The following NR5A2 variants were observed in gnomAD, a reference collection of about 807,000 sequenced individuals.
The protein encoded by NR5A2 is CYP7A promoter-binding factor.
NR5A2 carries 26 observed loss-of-function variants against 62.7 expected under a neutral mutation model. That is an observed-to-expected ratio of 0.41 (90% CI 0.30 to 0.58). The LOEUF is 0.58. NR5A2 is among the 20% of genes least tolerant of loss of function. The pLI, the probability that NR5A2 is intolerant of heterozygous loss-of-function variation, is 0.22. For synonymous variants in NR5A2, 246 were observed against 241.7 expected, an observed-to-expected ratio of 1.02 and a Z score of -0.16; for missense variants, 541 against 669.1, an observed-to-expected ratio of 0.81 and a Z score of 2.11.
At chr1:200,167,221 G>A (rs1050147732) in intron 7 of NR5A2, among the ~76,000 whole-genome samples, 6 of 151,942 alleles carry the variant, frequency 3.9e-5, no homozygotes, top group African/African-American at 1.5e-4. Context: ...TATTCCATGT[G>A]CCCCTTAAAT....
At chr1:200,046,038 T>C (rs762587148) in intron 4 of NR5A2, among the ~76,000 whole-genome samples, 1 of 152,210 alleles carries the variant, frequency 6.6e-6, no homozygotes, top group Non-Finnish European at 1.5e-5. Context: ...AACTACTAAT[T>C]TCATGATTCT....
At chr1:200,090,868 C>T (rs1302892011) in intron 5 of NR5A2, among the ~76,000 whole-genome samples, 1 of 152,192 alleles carries the variant, frequency 6.6e-6, no homozygotes, top group East Asian at 1.9e-4. Flanking sequence ...AACACACACT[C>T]ACATTCACGT....
intron 7 of NR5A2, among the ~76,000 whole-genome samples, chr1:200,124,877 G>A (rs1666635536): frequency 6.6e-6 from 1 of 152,046 alleles, no homozygotes. Flanking sequence ...ACTCCAGCCT[G>A]GGCAACGGAT....
chr1:200,128,798 C>G (rs1181533600), intron 7 of NR5A2, among the ~76,000 whole-genome samples: 2 of 152,042 alleles, frequency 1.3e-5, no homozygotes, highest in Non-Finnish European at 2.9e-5. Context: ...AATCATAACT[C>G]GGCTCTTGCA....
chr1:200,099,295 G>A (rs1031471931), intron 5 of NR5A2, among the ~76,000 whole-genome samples: 15 of 151,774 alleles, frequency 9.9e-5, no homozygotes, highest in Admixed American at 6.6e-4. Context: ...CTGCCTGATG[G>A]AAGCAGCCAG....
At position 200,045,380 on chromosome 1, in the gene NR5A2, G is replaced by A. The variant is rs1249744932; in HGVS notation, c.322-63G>A. 2.1e-6 allele frequency: 3 copies of A among 1,424,324 alleles called. No homozygotes were observed. In the Admixed American group the frequency reaches 7.1e-5, roughly 34 times the overall value. 88.2% of individuals were successfully genotyped at this position (1,424,324 alleles called of 1,614,324 possible). A position where few individuals can be genotyped will look rare whatever the true frequency, so the allele number is the denominator to read the frequency against. ...GATTTACTGGTGATTTTCTTAAAAT[G>A]AAACAATGGAAAAGACGGGTGTTAG... On this transcript the variant is annotated intron_variant, in intron 3 of 7. Coordinates refer to ENST00000367362, the MANE Select transcript of NR5A2 (RefSeq NM_205860.3).
intron 6 of NR5A2, among the ~76,000 whole-genome samples, chr1:200,114,237 C>CAT (rs941626078): frequency 4.0e-5 from 2 of 50,360 alleles, no homozygotes; most frequent in Non-Finnish European, 9.2e-5. Context: ...TATATATACA[C>CAT]ACACACACAT....
intron 1 of NR5A2, chr1:200,029,806 G>A (rs1661484333): frequency 6.6e-6 from 1 of 152,182 alleles, no homozygotes; most frequent in Admixed American, 6.5e-5. Context: ...TCCGCCTCCT[G>A]GTATTGCAGC....
Position 200,039,757 on chromosome 1 carries a change from C to G in NR5A2, c.164C>G (p.Ser55Trp). The G allele has an allele frequency of 6.2e-7, 1 of 1,610,392 alleles. No individual in the cohort carries two copies. Among genetic ancestry groups the G allele is most frequent in the African/African-American group, 1.3e-5 (1 of 74,418 alleles). The change falls in exon 2 of 8, where the codon TCG becomes TGG. Residue 55 changes from serine to tryptophan, a missense_variant. By Grantham distance (177) the Ser-to-Trp change is radical. This residue lies in a region of NR5A2 where 108 missense variants were observed against 103.3 expected (regional missense o/e 1.05). Transcript: ENST00000367362. This position sits in a 1 kb window ranked among gnomAD's most constrained non-coding sequence, Gnocchi z 5.1. ...ACGGAAGCCCTGGGACTGGCTCGAT[C>G]GCATGGGGAACAGGGCCAGATGCCG... ...VETEALGLAR[S>W]HGEQGQMPEN...
At chr1:200,054,810 G>T (rs1571723100) in intron 5 of NR5A2, among the ~76,000 whole-genome samples, 1 of 151,894 alleles carries the variant, frequency 6.6e-6, no homozygotes, top group African/African-American at 2.4e-5. Flanking sequence ...CTAAATCACA[G>T]TTACCTTTCC....
intron 5 of NR5A2, among the ~76,000 whole-genome samples, chr1:200,060,610 T>C (rs1363687959): frequency 2.0e-5 from 3 of 152,178 alleles, no homozygotes; most frequent in Non-Finnish European, 4.4e-5. Context: ...AGGGTTTCTG[T>C]CCATGACAAG....
chr1:200,048,377 A>G lies in NR5A2; in HGVS notation c.669A>G (p.Leu223=), dbSNP rs578158497. ...ACATCCACTCTGCCTCCAAAGGCCT[A>G]CCTCTGAACCATGCTGCCTTGCCTC... The part of the protein sequence containing the change: ...IQNIHSASKG[L]PLNHAALPPT... Residue 223 remains leucine, a synonymous_variant, in exon 5 of 8, where the codon CTA becomes CTG. Transcript: ENST00000367362. This position sits in a 1 kb window ranked among gnomAD's most constrained non-coding sequence, Gnocchi z 4.8. 1 of 1,614,182 alleles carries G rather than the reference A, an allele frequency of 6.2e-7. No homozygotes were observed. The highest frequency in any genetic ancestry group is 1.3e-5 in the African/African-American group (1 of 75,040).
chr1:200,071,846 T>G (rs1179931558), intron 5 of NR5A2, among the ~76,000 whole-genome samples: 1 of 152,200 alleles, frequency 6.6e-6, no homozygotes, highest in Non-Finnish European at 1.5e-5. Context: ...ATTATAATAT[T>G]TAGCAGATTT....
chr1:200,083,921 C>T (rs1334976929), intron 5 of NR5A2, among the ~76,000 whole-genome samples: 2 of 151,368 alleles, frequency 1.3e-5, no homozygotes, highest in African/African-American at 4.9e-5. Context: ...GCTGAGATTA[C>T]ACCATTGCAT....
intron 2 of NR5A2, chr1:200,042,982 A>C (rs1043186679): frequency 2.0e-6 from 2 of 985,368 alleles, no homozygotes; most frequent in Admixed American, 6.1e-5. Context: ...ATATTTTGCT[A>C]TGATGATCGG....
chr1:200,074,736 C>CAAA (rs199556915), intron 5 of NR5A2, among the ~76,000 whole-genome samples: 13 of 67,534 alleles, frequency 1.9e-4, no homozygotes, highest in East Asian at 6.7e-4. Flanking sequence ...GAGTCCATCT[C>CAAA]AAAAAAAAAA....
rs1334530808 is a variant in NR5A2 at position 200,175,059 on chromosome 1, C to T, written c.*849C>T. On this transcript the variant is annotated 3_prime_UTR_variant, in exon 8 of 8. Coordinates refer to ENST00000367362, the MANE Select transcript of NR5A2 (RefSeq NM_205860.3). Reference sequence around the variant, plus strand: ...TTCTGCTACTGTTGCTGAAATGTGGCTTTGGCATTGTTGGATTTCATAAAA... The same window carrying T: ...TTCTGCTACTGTTGCTGAAATGTGGTTTTGGCATTGTTGGATTTCATAAAA... The T allele has an allele frequency of 6.6e-6, 1 of 152,610 alleles. No individual in the cohort carries two copies. Among genetic ancestry groups the T allele is most frequent in the Non-Finnish European group, 1.5e-5 (1 of 68,034 alleles). The allele number at this position is 152,610 out of a possible 1,614,324, so 9.5% of individuals were successfully genotyped here.
At position 200,039,127 on chromosome 1, in the gene NR5A2, C is replaced by G. The variant is rs555422982; in HGVS notation, c.65-531C>G. On this transcript the variant is annotated intron_variant, in intron 1 of 7. Transcript: ENST00000367362. This position sits in a 1 kb window ranked among gnomAD's most constrained non-coding sequence, Gnocchi z 5.1. ...TTGGAACTTCACAACTCCACACTTGCGATAGTGAGCAAGAGAGAGGCAGAG... is the reference window on the plus strand; with the variant it reads ...TTGGAACTTCACAACTCCACACTTGGGATAGTGAGCAAGAGAGAGGCAGAG... 1.4e-4 allele frequency among the ~76,000 whole-genome samples: 22 copies of G among 152,068 alleles called. No homozygotes were observed. Among genetic ancestry groups the G allele is most frequent in the Non-Finnish European group, 1.2e-4 (8 of 67,982 alleles).
At chr1:200,053,563 G>GCACACA (rs1356868019) in intron 5 of NR5A2, among the ~76,000 whole-genome samples, 5 of 70,314 alleles carry the variant, frequency 7.1e-5, no homozygotes, top group South Asian at 5.6e-4. Flanking sequence ...CCCCCAGCAT[G>GCACACA]CACACGCACA....
Sources: allele counts gnomAD v4.1 joint callset (sites outside exome capture counted in the v4.1 genomes callset), GRCh38; gene constraint gnomAD v4.1.1; regional missense constraint gnomAD v4.1.1; non-coding constraint Gnocchi (gnomAD v3.1); transcripts MANE v1.5; gene names NCBI Gene and HGNC (gene_info 2026-07-23, HGNC 2026-07-21).